TRIM72: variants seen among roughly 807,000 people sequenced by gnomAD.
The protein encoded by TRIM72 is tripartite motif-containing protein 72.
A neutral mutation model predicts 31.6 loss-of-function variants in TRIM72; 33 were observed. That is an observed-to-expected ratio of 1.04 (90% confidence interval 0.79 to 1.40). The LOEUF (loss-of-function observed/expected upper bound fraction) is 1.40, where lower values mean the gene tolerates loss of function less well. Among genes scored for constraint, TRIM72 ranks in the 40% most tolerant of loss-of-function variants. The probability of loss-of-function intolerance (pLI) is 0.00; values close to 1 mark genes in which losing one functional copy is unlikely to be tolerated. For missense variants in TRIM72, 666 were observed against 682.7 expected, an observed-to-expected ratio of 0.98 and a Z score of 0.27; for synonymous variants, 301 against 314.4, an observed-to-expected ratio of 0.96 and a Z score of 0.45.
rs985057849 is a variant in TRIM72 at position 31,219,858 on chromosome 16, G to A, written c.717+339G>A. 1.3e-5 allele frequency among the ~76,000 whole-genome samples: 2 copies of A among 151,610 alleles called. No homozygotes were observed. Among genetic ancestry groups the A allele is most frequent in the South Asian group, 2.1e-4 (1 of 4,804 alleles). ...GCTCACTGCAAGCTCCGCCTCCTGG[G>A]TTCATGCTATTCTCCTGCCTCAGCC... On this transcript the variant is annotated intron_variant, in intron 4 of 6. Coordinates refer to ENST00000322122, the MANE Select transcript of TRIM72 (RefSeq NM_001008274.4). This position sits in a 1 kb window ranked among gnomAD's most constrained non-coding sequence, Gnocchi z 4.2.
At position 31,224,283 on chromosome 16, in the gene TRIM72, C is replaced by T. The variant is rs1003218502; in HGVS notation, c.962C>T (p.Ala321Val). The T allele has an allele frequency of 1.0e-5, 16 of 1,603,032 alleles. No individual in the cohort carries two copies. In the Admixed American group the frequency reaches 2.7e-4, roughly 27 times the overall value. Residue 321 changes from alanine to valine, a missense_variant, in exon 7 of 7, where the codon GCC becomes GTC. Coordinates refer to ENST00000322122, the MANE Select transcript of TRIM72 (RefSeq NM_001008274.4). ...TGCTCGGAGCAGAAGGCGCCGCCGG[C>T]CGGGGAGGACCCGCGCCAGTTCGAC... ...VECSEQKAPPAGEDPRQFDKA... is the reference protein window; with the variant it reads ...VECSEQKAPPVGEDPRQFDKA...
At position 31,224,981 on chromosome 16, in the gene TRIM72, A is replaced by T; in HGVS notation, c.*226A>T. The T allele has an allele frequency of 4.9e-6, 2 of 406,676 alleles. No homozygotes were observed. Among genetic ancestry groups the T allele is most frequent in the Non-Finnish European group, 8.6e-6 (2 of 231,790 alleles). The allele number at this position is 406,676 out of a possible 1,614,324, so 25.2% of individuals were successfully genotyped here. A position where few individuals can be genotyped will look rare whatever the true frequency, so the allele number is the denominator to read the frequency against. ...GGAGGCGGGTGGATCACCTGAGGTCAGGAGTTCAAGACCAGCCTGGCCAAC... is the reference window on the plus strand; with the variant it reads ...GGAGGCGGGTGGATCACCTGAGGTCTGGAGTTCAAGACCAGCCTGGCCAAC... On this transcript the variant is annotated 3_prime_UTR_variant, in exon 7 of 7. Coordinates refer to ENST00000322122, the MANE Select transcript of TRIM72 (RefSeq NM_001008274.4).
Position 31,216,182 on chromosome 16 carries a change from T to G in TRIM72, c.390+1054T>G, listed in dbSNP as rs1480953912. 1.3e-5 allele frequency: 2 copies of G among 152,306 alleles called. No individual in the cohort carries two copies. The highest frequency in any genetic ancestry group is 2.9e-5 in the Non-Finnish European group (2 of 68,236). 9.4% of individuals were successfully genotyped at this position (152,306 alleles called of 1,614,324 possible). A position where few individuals can be genotyped will look rare whatever the true frequency, so the allele number is the denominator to read the frequency against. The stretch of plus-strand genomic sequence containing the variant: ...CCTAGAAGGGGTAGACCACCGTCCT[T>G]TCGTTGGTATTCGAGGCCCCCAGAC... On this transcript the variant is annotated intron_variant, in intron 2 of 6. Transcript: ENST00000322122. This position sits in a 1 kb window ranked among gnomAD's most constrained non-coding sequence, Gnocchi z 6.7.
Position 31,224,480 on chromosome 16 carries a change from G to T in TRIM72, c.1159G>T (p.Glu387Ter). 6.8e-7 allele frequency: 1 copy of T among 1,478,032 alleles called. No homozygotes were observed. The highest frequency in any genetic ancestry group is 8.9e-7 in the Non-Finnish European group (1 of 1,125,106). The allele number at this position is 1,478,032 out of a possible 1,614,324, so 91.6% of individuals were successfully genotyped here. A position where few individuals can be genotyped will look rare whatever the true frequency, so the allele number is the denominator to read the frequency against. ...GGGCCTGTGGCTGCTGGGGCTGCGC[G>T]AGGGCAAGATCCTGGAGGCACACGT... Reference protein sequence around the residue: ...SQGLWLLGLREGKILEAHVEA... With the variant: ...SQGLWLLGLR The change falls in exon 7 of 7, where the codon GAG becomes TAG. Residue 387 changes from glutamate (E) to a stop codon, truncating the protein, a stop_gained. Coordinates refer to ENST00000322122, the MANE Select transcript of TRIM72 (RefSeq NM_001008274.4). LOFTEE classifies it low-confidence loss of function (END_TRUNC).
At chr16:31,218,707 C>G (rs1170417058) in intron 2 of TRIM72, among the ~76,000 whole-genome samples, 1 of 151,636 alleles carries the variant, frequency 6.6e-6, no homozygotes, top group Non-Finnish European at 1.5e-5. Context: ...AGAAAATTTG[C>G]TGGGCACGGT....
chr16:31,219,467 T>C lies in TRIM72; in HGVS notation c.665T>C (p.Met222Thr), dbSNP rs1469998012. The change falls in exon 4 of 7, where the codon ATG becomes ACG. Residue 222 changes from methionine to threonine, a missense_variant. Physicochemically the swap from Met to Thr is moderately conservative, Grantham distance 81. Transcript: ENST00000322122. The surrounding 1 kb of genome is among the most constrained non-coding windows in gnomAD (Gnocchi z 4.2). ...TCTTACCTGGAGCAGCTGCGGCAGA[T>C]GGAGAAGGTCCTGGAGGAGGTGGCG... ...LNSYLEQLRQMEKVLEEVADK... is the reference protein window; with the variant it reads ...LNSYLEQLRQTEKVLEEVADK... 1 of 1,611,856 alleles carries C rather than the reference T, an allele frequency of 6.2e-7. No individual in the cohort carries two copies. The highest frequency in any genetic ancestry group is 8.5e-7 in the Non-Finnish European group (1 of 1,179,324).
rs1358505313 is a variant in TRIM72 at position 31,216,439 on chromosome 16, A to G, written c.390+1311A>G. On this transcript the variant is annotated intron_variant, in intron 2 of 6. Coordinates refer to ENST00000322122, the MANE Select transcript of TRIM72 (RefSeq NM_001008274.4). This position sits in a 1 kb window ranked among gnomAD's most constrained non-coding sequence, Gnocchi z 6.7. ...GCTGCCGCTAAAAAAAAAACAAAAAACAAACAAACAAAAAAAACCCAACCT... is the reference window on the plus strand; with the variant it reads ...GCTGCCGCTAAAAAAAAAACAAAAAGCAAACAAACAAAAAAAACCCAACCT... The G allele has an allele frequency of 5.6e-6, 2 of 357,804 alleles. No individual in the cohort carries two copies. Among genetic ancestry groups the G allele is most frequent in the Non-Finnish European group, 1.0e-5 (2 of 198,484 alleles). 22.2% of individuals were successfully genotyped at this position (357,804 alleles called of 1,614,324 possible).
In TRIM72 at chr16:31,214,832, A is replaced by G; in HGVS notation, c.94A>G (p.Ser32Gly). 1 of 1,558,072 alleles carries G rather than the reference A, an allele frequency of 6.4e-7. No individual in the cohort carries two copies. The highest frequency in any genetic ancestry group is 8.6e-7 in the Non-Finnish European group (1 of 1,161,930). ...GCCCGTGACAGCCGAGTGCGGCCAC[A>G]GTTTCTGCCGCGCCTGCCTAGGCCG... is the stretch of plus-strand genomic sequence containing the variant. ...DAPVTAECGH[S>G]FCRACLGRVA... Residue 32 changes from serine to glycine, a missense_variant, in exon 2 of 7, where the codon AGT (serine) becomes GGT (glycine). By Grantham distance (56) the Ser-to-Gly change is moderately conservative (BLOSUM62 0). Coordinates refer to ENST00000322122, the MANE Select transcript of TRIM72 (RefSeq NM_001008274.4).
Position 31,224,318 on chromosome 16 carries a change from G to T in TRIM72, c.997G>T (p.Ala333Ser). ...EDPRQFDKAV[A>S]VVAHQQLSEG... ...CCCGCGCCAGTTCGACAAGGCGGTG[G>T]CGGTGGTGGCGCACCAGCAGCTCTC... The change falls in exon 7 of 7, where the codon GCG becomes TCG. Residue 333 changes from alanine to serine, a missense_variant. By Grantham distance (99) the Ala-to-Ser change is moderately conservative (BLOSUM62 1). Coordinates refer to ENST00000322122, the MANE Select transcript of TRIM72 (RefSeq NM_001008274.4). The T allele has an allele frequency of 6.3e-7, 1 of 1,597,622 alleles. No individual in the cohort carries two copies.
At position 31,230,050 on chromosome 16, in the gene TRIM72, T is replaced by A. The variant is rs2079565319; in HGVS notation, c.*5295T>A. On this transcript the variant is annotated 3_prime_UTR_variant, in exon 7 of 7. Transcript: ENST00000322122. Reference sequence around the variant, plus strand: ...TTCCGATGAGCTGAGATCGGGCCACTGCATTCCAGTCTGGGTGAGAGAGTT... The same window carrying A: ...TTCCGATGAGCTGAGATCGGGCCACAGCATTCCAGTCTGGGTGAGAGAGTT... 6.6e-6 allele frequency: 1 copy of A among 152,192 alleles called. No individual in the cohort carries two copies. Among genetic ancestry groups the A allele is most frequent in the Non-Finnish European group, 1.5e-5 (1 of 68,044 alleles). 9.4% of individuals were successfully genotyped at this position (152,192 alleles called of 1,614,324 possible). A position where few individuals can be genotyped will look rare whatever the true frequency, so the allele number is the denominator to read the frequency against.
At chr16:31,222,275 C>G (rs894275720) in intron 5 of TRIM72, among the ~76,000 whole-genome samples, 5 of 151,890 alleles carry the variant, frequency 3.3e-5, no homozygotes, top group Middle Eastern at 3.4e-3. Flanking sequence ...CGCCTATAAT[C>G]CCAGCTACTT....
Position 31,226,569 on chromosome 16 carries a change from A to G in TRIM72, c.*1814A>G, listed in dbSNP as rs1290404216. On this transcript the variant is annotated 3_prime_UTR_variant, in exon 7 of 7. Transcript: ENST00000322122. The stretch of plus-strand genomic sequence containing the variant: ...GTCTTGAACGTTGAGGAAGCCAGCC[A>G]AGAGAAAGAGCCTGATGCCAAGGTC... 2.0e-5 allele frequency: 3 copies of G among 152,374 alleles called. No homozygotes were observed. The highest frequency in any genetic ancestry group is 3.4e-3 in the Middle Eastern group (1 of 296). The allele number at this position is 152,374 out of a possible 1,614,324, so 9.4% of individuals were successfully genotyped here.
Position 31,224,930 on chromosome 16 carries a change from C to A in TRIM72, c.*175C>A. 1 of 603,132 alleles carries A rather than the reference C, an allele frequency of 1.7e-6. No homozygotes were observed. The highest frequency in any genetic ancestry group is 2.6e-6 in the Non-Finnish European group (1 of 387,940). The allele number at this position is 603,132 out of a possible 1,614,324, so 37.4% of individuals were successfully genotyped here. A position where few individuals can be genotyped will look rare whatever the true frequency, so the allele number is the denominator to read the frequency against. ...GGTAGGACTGGCTTGGTGGCTCATGCCTGTAATCCCAGCACTTTGGGAGAC... is the reference window on the plus strand; with the variant it reads ...GGTAGGACTGGCTTGGTGGCTCATGACTGTAATCCCAGCACTTTGGGAGAC... On this transcript the variant is annotated 3_prime_UTR_variant, in exon 7 of 7. Coordinates refer to ENST00000322122, the MANE Select transcript of TRIM72 (RefSeq NM_001008274.4).
At chr16:31,214,583 G>C in intron 1 of TRIM72, 149 bp from the exon 2 acceptor site, 1 of 897,926 alleles carries the variant, frequency 1.1e-6, no homozygotes, top group East Asian at 3.4e-5. Context: ...TTGGCCGTCA[G>C]AGTCCCATCC....
intron 1 of TRIM72, among the ~76,000 whole-genome samples, 194 bp from the exon 2 acceptor site, chr16:31,214,538 T>C (rs1384550166): frequency 6.6e-6 from 1 of 152,150 alleles, no homozygotes; most frequent in Non-Finnish European, 1.5e-5. Flanking sequence ...CAGTGGAGGC[T>C]GCTTTTGGGC....
Position 31,228,451 on chromosome 16 carries a change from G to T in TRIM72, c.*3696G>T, listed in dbSNP as rs1327234352. The T allele has an allele frequency of 6.6e-6, 1 of 152,202 alleles. No homozygotes were observed. Among genetic ancestry groups the T allele is most frequent in the African/African-American group, 2.4e-5 (1 of 41,402 alleles). 9.4% of individuals were successfully genotyped at this position (152,202 alleles called of 1,614,324 possible). The stretch of plus-strand genomic sequence containing the variant: ...GGAGGGACCTGTGGTCTCCTGTGTT[G>T]CTCCTCACCCTGTAGACTGTGGGCT... On this transcript the variant is annotated 3_prime_UTR_variant, in exon 7 of 7. Transcript: ENST00000322122.
chr16:31,224,250 G>C lies in TRIM72; in HGVS notation c.929G>C (p.Arg310Pro). Residue 310 changes from arginine to proline, a missense_variant, in exon 7 of 7, where the codon CGC (arginine) becomes CCC (proline). Physicochemically the swap from Arg to Pro is moderately radical, Grantham distance 103. Transcript: ENST00000322122. ...PSLVVSSSGR[R>P]VECSEQKAPP... ...CTGGTGGTGTCTTCCTCTGGCCGCC[G>C]CGTGGAGTGCTCGGAGCAGAAGGCG... is the stretch of plus-strand genomic sequence containing the variant. The C allele has an allele frequency of 4.4e-6, 7 of 1,604,996 alleles. No individual in the cohort carries two copies. The highest frequency in any genetic ancestry group is 5.9e-6 in the Non-Finnish European group (7 of 1,179,780).
At position 31,227,223 on chromosome 16, in the gene TRIM72, C is replaced by T. The variant is rs2079557601; in HGVS notation, c.*2468C>T. 1 of 152,208 alleles carries T rather than the reference C, an allele frequency of 6.6e-6. No individual in the cohort carries two copies. Among genetic ancestry groups the T allele is most frequent in the Admixed American group, 6.5e-5 (1 of 15,272 alleles). The allele number at this position is 152,208 out of a possible 1,614,324, so 9.4% of individuals were successfully genotyped here. A position where few individuals can be genotyped will look rare whatever the true frequency, so the allele number is the denominator to read the frequency against. ...CCTACTGCAAGGCCTCCTAATTGCC[C>T]TCCAGCCTTTAATCCTGACTTGGTA... On this transcript the variant is annotated 3_prime_UTR_variant, in exon 7 of 7. Coordinates refer to ENST00000322122, the MANE Select transcript of TRIM72 (RefSeq NM_001008274.4).
At position 31,216,670 on chromosome 16, in the gene TRIM72, A is replaced by G; in HGVS notation, c.390+1542A>G. ...AGGAGGGACCCTGAAGGAGGGGAACAGGAAGGCTCTGGGCGGGACCTGACG... is the reference window on the plus strand; with the variant it reads ...AGGAGGGACCCTGAAGGAGGGGAACGGGAAGGCTCTGGGCGGGACCTGACG... On this transcript the variant is annotated intron_variant, in intron 2 of 6. Coordinates refer to ENST00000322122, the MANE Select transcript of TRIM72 (RefSeq NM_001008274.4). This position sits in a 1 kb window ranked among gnomAD's most constrained non-coding sequence, Gnocchi z 6.7. 6.8e-7 allele frequency: 1 copy of G among 1,467,258 alleles called. No individual in the cohort carries two copies. Among genetic ancestry groups the G allele is most frequent in the Non-Finnish European group, 9.2e-7 (1 of 1,086,618 alleles). The allele number at this position is 1,467,258 out of a possible 1,614,324, so 90.9% of individuals were successfully genotyped here. A position where few individuals can be genotyped will look rare whatever the true frequency, so the allele number is the denominator to read the frequency against.
Sources: gnomAD v4.1 joint callset for allele counts (sites outside exome capture counted in the v4.1 genomes callset) on GRCh38, gnomAD v4.1.1 for gene constraint, Gnocchi (gnomAD v3.1) non-coding constraint, MANE v1.5 for transcripts, NCBI Gene and HGNC (gene_info 2026-07-23, HGNC 2026-07-21) for gene names.